The following COL22A1 variants were observed in gnomAD, a reference collection of about 807,000 sequenced individuals.
COL22A1 encodes the protein collagen type XXII alpha 1 chain.
A neutral mutation model predicts 248.9 loss-of-function variants in COL22A1; 221 were observed. The observed-to-expected ratio is 0.89, with a 90% confidence interval of 0.80 to 0.99. COL22A1 has a LOEUF of 0.99. Among genes scored for constraint, COL22A1 ranks in the 50% least tolerant of loss-of-function variants. COL22A1 has a pLI of 0.00. For missense variants in COL22A1, 2,240 were observed against 2,179.0 expected (o/e 1.03, Z -0.56); for synonymous variants, 891 against 793.4 (o/e 1.12, Z -2.07).
intron 4 of COL22A1, among the ~76,000 whole-genome samples, chr8:138,833,647 A>T (rs2131824099): frequency 6.6e-6 from 1 of 152,362 alleles, no homozygotes; most frequent in South Asian, 2.1e-4. Flanking sequence ...TCAGAGAGGA[A>T]TAAACTGTCT....
intron 41 of COL22A1, among the ~76,000 whole-genome samples, chr8:138,676,091 A>G (rs978293318): frequency 6.6e-6 from 1 of 152,078 alleles, no homozygotes; most frequent in Non-Finnish European, 1.5e-5. Flanking sequence ...ACTAACACCT[A>G]GTAGACTGAT....
At chr8:138,636,883 C>A in intron 47 of COL22A1, 88 bp from the exon 48 acceptor site, 1 of 1,096,872 alleles carries the variant, frequency 9.1e-7, no homozygotes, top group Non-Finnish European at 1.4e-6. Context: ...TTCATCCATT[C>A]ATTAATTCTC....
intron 41 of COL22A1, among the ~76,000 whole-genome samples, chr8:138,664,132 T>C (rs1293550865): frequency 6.8e-6 from 1 of 147,870 alleles, no homozygotes; most frequent in Non-Finnish European, 1.5e-5. Context: ...ACGACCACAT[T>C]CCCCAGCCAT....
At chr8:138,628,925 C>G (rs909732841) in intron 50 of COL22A1, among the ~76,000 whole-genome samples, 3 of 151,840 alleles carry the variant, frequency 2.0e-5, no homozygotes, top group African/African-American at 7.3e-5. Context: ...ATCACCACGC[C>G]CAGCTAATTT....
In COL22A1 at chr8:138,634,991, A is replaced by G. The variant is rs1821027429; in HGVS notation, c.3609+19T>C. On this transcript the variant is annotated intron_variant, in intron 49 of 64. Transcript: ENST00000303045. ...AATGTCAAGGCCGAAAGAGGAGGGG[A>G]TTAAAGATGATTACTTACTGGTGGC... 2 of 1,544,592 alleles carry G rather than the reference A, an allele frequency of 1.3e-6. No homozygotes were observed. Among genetic ancestry groups the G allele is most frequent in the Non-Finnish European group, 1.8e-6 (2 of 1,117,302 alleles).
intron 6 of COL22A1, among the ~76,000 whole-genome samples, chr8:138,822,869 C>T (rs2131764097): frequency 6.6e-6 from 1 of 152,316 alleles, no homozygotes; most frequent in African/African-American, 2.4e-5. Context: ...CTCACCATCT[C>T]CTCCCCGTTC....
intron 22 of COL22A1, among the ~76,000 whole-genome samples, chr8:138,738,811 C>T (rs182695449): frequency 2.4e-3 from 366 of 152,256 alleles, no homozygotes; most frequent in Non-Finnish European, 4.3e-3. Flanking sequence ...AACTTGATAT[C>T]GTCCTCTCCT....
At chr8:138,786,388 T>C (rs991216747) in intron 12 of COL22A1, among the ~76,000 whole-genome samples, 2 of 152,154 alleles carry the variant, frequency 1.3e-5, no homozygotes, top group African/African-American at 4.8e-5. Context: ...TTAAGAAACA[T>C]CCACCTGCAA....
At chr8:138,774,280 C>T (rs373693324) in intron 16 of COL22A1, among the ~76,000 whole-genome samples, 4 of 152,086 alleles carry the variant, frequency 2.6e-5, no homozygotes, top group African/African-American at 7.2e-5. Context: ...CAGAAAGCAA[C>T]GTGAGCGAGC....
intron 37 of COL22A1, among the ~76,000 whole-genome samples, chr8:138,686,832 A>T (rs1826395551): frequency 6.6e-6 from 1 of 152,244 alleles, no homozygotes; most frequent in Non-Finnish European, 1.5e-5. Flanking sequence ...GGTATAATTA[A>T]GGAATACCAG....
At chr8:138,598,271 G>A (rs141804118) in intron 61 of COL22A1, among the ~76,000 whole-genome samples, 42 of 152,238 alleles carry the variant, frequency 2.8e-4, no homozygotes, top group Non-Finnish European at 4.4e-4. Context: ...ACTCTAGGTC[G>A]GCAGATACAA....
chr8:138,813,212 C>G (rs1293515398), intron 7 of COL22A1, among the ~76,000 whole-genome samples, 193 bp from the exon 8 acceptor site: 2 of 152,148 alleles, frequency 1.3e-5, no homozygotes, highest in African/African-American at 4.8e-5. Flanking sequence ...CATCTGCTCA[C>G]ACCCCTGATC....
At chr8:138,594,252 G>A (rs554915061) in intron 62 of COL22A1, 53 bp from the exon 63 acceptor site, 1 of 1,487,118 alleles carries the variant, frequency 6.7e-7, no homozygotes, top group Non-Finnish European at 9.0e-7. Flanking sequence ...GTGGACATAG[G>A]ACAGGATGGC....
chr8:138,743,580 T>C (rs1466684755), intron 22 of COL22A1, among the ~76,000 whole-genome samples: 1 of 152,120 alleles, frequency 6.6e-6, no homozygotes, highest in Non-Finnish European at 1.5e-5. Context: ...GCAGCGGCTA[T>C]GTAATCTCTG....
At chr8:138,731,614 T>C (rs1830712964) in intron 23 of COL22A1, among the ~76,000 whole-genome samples, 1 of 152,024 alleles carries the variant, frequency 6.6e-6, no homozygotes, top group Non-Finnish European at 1.5e-5. Context: ...TTTTGATCTA[T>C]TTGATGTGTT....
At chr8:138,613,044 A>T (rs550170190) in intron 56 of COL22A1, among the ~76,000 whole-genome samples, 57 of 151,674 alleles carry the variant, frequency 3.8e-4, no homozygotes, top group Non-Finnish European at 7.1e-4. Context: ...GTCAGGAGAT[A>T]GAGACCATCC....
At chr8:138,762,362 A>G in intron 17 of COL22A1, 51 bp downstream of exon 17, 1 of 1,573,474 alleles carries the variant, frequency 6.4e-7, no homozygotes, top group Non-Finnish European at 8.7e-7. Context: ...GGTCATTCCC[A>G]TCCTCTGACC....
At chr8:138,716,656 C>G (rs771112618) in intron 28 of COL22A1, among the ~76,000 whole-genome samples, 169 bp downstream of exon 28, 1 of 152,166 alleles carries the variant, frequency 6.6e-6, no homozygotes, top group Non-Finnish European at 1.5e-5. Context: ...GGCCACCACT[C>G]GTGACATCTG....
intron 41 of COL22A1, among the ~76,000 whole-genome samples, chr8:138,672,477 A>G (rs942159960): frequency 1.4e-4 from 21 of 152,198 alleles, no homozygotes; most frequent in African/African-American, 5.1e-4. Flanking sequence ...TTGTTTGCAC[A>G]TAACGGGGCC....
Sources: allele counts gnomAD v4.1 joint callset (sites outside exome capture counted in the v4.1 genomes callset), GRCh38; gene constraint gnomAD v4.1.1; transcripts MANE v1.5; gene names NCBI Gene and HGNC (gene_info 2026-07-23, HGNC 2026-07-21).